Variants in NPB observed in about 807,000 individuals in gnomAD.
NPB encodes prepro-NPB.
Under a neutral mutation model 6.7 loss-of-function variants are expected in NPB, and 8 were observed. That is an observed-to-expected ratio of 1.20 (90% CI 0.71 to 2.17). NPB has a LOEUF of 2.17. NPB is among the 30% of genes most tolerant of loss of function. The pLI is 0.00. For missense variants in NPB, 199 were observed against 190.2 expected, an observed-to-expected ratio of 1.05 and a Z score of -0.27; for synonymous variants, 118 against 103.4, an observed-to-expected ratio of 1.14 and a Z score of -0.86.
chr17:81,902,872 T>G lies in NPB; in HGVS notation c.*124T>G. ...CCTACTCCGCTCACCCCGCAGTTAA[T>G]GGCAAACGAATAAATAAATGAGGCG... On this transcript the variant is annotated 3_prime_UTR_variant, in exon 2 of 2. Transcript: ENST00000333383. 1 of 820,690 alleles carries G rather than the reference T, an allele frequency of 1.2e-6. No individual in the cohort carries two copies. The highest frequency in any genetic ancestry group is 2.0e-5 in the South Asian group (1 of 48,964). 50.8% of individuals were successfully genotyped at this position (820,690 alleles called of 1,614,324 possible).
At position 81,902,322 on chromosome 17, in the gene NPB, C is replaced by T; in HGVS notation, c.45C>T (p.Cys15=). 7.5e-7 allele frequency: 1 copy of T among 1,339,276 alleles called. No individual in the cohort carries two copies. The highest frequency in any genetic ancestry group is 3.1e-5 in the East Asian group (1 of 32,232). 83.0% of individuals were successfully genotyped at this position (1,339,276 alleles called of 1,614,324 possible). Reference sequence around the variant, plus strand: ...TGGCGGCCGCCGCCCTGGCGCTGTGCCTGCTGCTGGCGCCGCCTGGCCTCG... The same window carrying T: ...TGGCGGCCGCCGCCCTGGCGCTGTGTCTGCTGCTGGCGCCGCCTGGCCTCG... ...ATLAAAALAL[C]LLLAPPGLAW... is the part of the protein sequence containing the mutation. The change falls in exon 1 of 2, where the codon TGC becomes TGT. Residue 15 remains cysteine (C), a synonymous_variant. Transcript: ENST00000333383.
chr17:81,902,763 T>C lies in NPB; in HGVS notation c.*15T>C. 1.3e-6 allele frequency: 2 copies of C among 1,594,182 alleles called. No homozygotes were observed. The highest frequency in any genetic ancestry group is 1.7e-6 in the Non-Finnish European group (2 of 1,172,518). On this transcript the variant is annotated 3_prime_UTR_variant, in exon 2 of 2. Transcript: ENST00000333383. Reference sequence around the variant, plus strand: ...TCGCCGCCTGAGCCCGGACCTCTCCTGGCACCGCTGGGGGCCCCCCGCCCC... The same window carrying C: ...TCGCCGCCTGAGCCCGGACCTCTCCCGGCACCGCTGGGGGCCCCCCGCCCC...
In NPB at chr17:81,902,364, G is replaced by A; in HGVS notation, c.87G>A (p.Ala29=). The stretch of plus-strand genomic sequence containing the variant: ...CTGGCCTCGCGTGGTACAAGCCAGC[G>A]GCGGGGCACAGCTCCTACTCGGTGG... ...APPGLAWYKP[A]AGHSSYSVGR... is the part of the protein sequence containing the mutation. The change falls in exon 1 of 2, where the codon GCG becomes GCA. Residue 29 remains alanine (A), a synonymous_variant. Coordinates refer to ENST00000333383, the MANE Select transcript of NPB (RefSeq NM_148896.5). 2.2e-6 allele frequency: 3 copies of A among 1,345,866 alleles called. No individual in the cohort carries two copies. The highest frequency in any genetic ancestry group is 2.8e-4 in the Middle Eastern group (1 of 3,636). 83.4% of individuals were successfully genotyped at this position (1,345,866 alleles called of 1,614,324 possible).
chr17:81,902,875 C>G lies in NPB; in HGVS notation c.*127C>G. On this transcript the variant is annotated 3_prime_UTR_variant, in exon 2 of 2. Coordinates refer to ENST00000333383, the MANE Select transcript of NPB (RefSeq NM_148896.5). ...ACTCCGCTCACCCCGCAGTTAATGG[C>G]AAACGAATAAATAAATGAGGCGGCC... is the stretch of plus-strand genomic sequence containing the variant. 1 of 803,638 alleles carries G rather than the reference C, an allele frequency of 1.2e-6. No individual in the cohort carries two copies. Among genetic ancestry groups the G allele is most frequent in the Non-Finnish European group, 1.8e-6 (1 of 541,572 alleles). The allele number at this position is 803,638 out of a possible 1,614,324, so 49.8% of individuals were successfully genotyped here.
Position 81,902,838 on chromosome 17 carries a change from C to T in NPB, c.*90C>T, listed in dbSNP as rs2040016452. The stretch of plus-strand genomic sequence containing the variant: ...GCCCCTCCGGCGCGGGATGGCGCCC[C>T]AGGTCTCCCCTACTCCGCTCACCCC... On this transcript the variant is annotated 3_prime_UTR_variant, in exon 2 of 2. Transcript: ENST00000333383. 8.4e-7 allele frequency: 1 copy of T among 1,193,852 alleles called. No individual in the cohort carries two copies. The highest frequency in any genetic ancestry group is 1.2e-6 in the Non-Finnish European group (1 of 866,058). The allele number at this position is 1,193,852 out of a possible 1,614,324, so 74.0% of individuals were successfully genotyped here.
rs557217506 is a variant in NPB, at chr17:81,902,617, C to G, written c.250-3C>G. On this transcript the variant is annotated splice_polypyrimidine_tract_variant and splice_region_variant and intron_variant, in intron 1 of 1. Transcript: ENST00000333383. Reference sequence around the variant, plus strand: ...CCTCAGCCTTTGCTTGCCTGCCCCCCAGGCTGTGTGCGTCCAGGACGTCGC... The same window carrying G: ...CCTCAGCCTTTGCTTGCCTGCCCCCGAGGCTGTGTGCGTCCAGGACGTCGC... 8.8e-6 allele frequency: 14 copies of G among 1,582,612 alleles called. No individual in the cohort carries two copies. The highest frequency in any genetic ancestry group is 1.1e-5 in the Non-Finnish European group (13 of 1,168,758).
At position 81,902,739 on chromosome 17, in the gene NPB, C is replaced by G; in HGVS notation, c.369C>G (p.Leu123=). Residue 123 remains leucine, a synonymous_variant, in exon 2 of 2, where the codon CTC becomes CTG. Coordinates refer to ENST00000333383, the MANE Select transcript of NPB (RefSeq NM_148896.5). The part of the protein sequence containing the change: ...VFLSLRAADC[L]AA The stretch of plus-strand genomic sequence containing the variant: ...TGTCCCTGCGCGCAGCCGACTGCCT[C>G]GCCGCCTGAGCCCGGACCTCTCCTG... 6.2e-7 allele frequency: 1 copy of G among 1,606,646 alleles called. No homozygotes were observed. Among genetic ancestry groups the G allele is most frequent in the Non-Finnish European group, 8.5e-7 (1 of 1,177,868 alleles).
rs2039992308 is a variant in NPB at position 81,902,492 on chromosome 17, C to G, written c.215C>G (p.Pro72Arg). The G allele has an allele frequency of 7.8e-6, 11 of 1,411,820 alleles. No homozygotes were observed. Among genetic ancestry groups the G allele is most frequent in the Non-Finnish European group, 1.0e-5 (11 of 1,091,142 alleles). The allele number at this position is 1,411,820 out of a possible 1,614,324, so 87.5% of individuals were successfully genotyped here. A position where few individuals can be genotyped will look rare whatever the true frequency, so the allele number is the denominator to read the frequency against. The change falls in exon 1 of 2, where the codon CCG becomes CGG. Residue 72 changes from proline to arginine, a missense_variant. Physicochemically the swap from Pro to Arg is moderately radical, Grantham distance 103. Coordinates refer to ENST00000333383, the MANE Select transcript of NPB (RefSeq NM_148896.5). ...AEPPGGAGAS[P>R]ELQLHPRLRS... ...CCCCCGGGCGGGGCCGGCGCCTCCCCGGAGCTGCAACTGCACCCCAGGCTG... is the reference window on the plus strand; with the variant it reads ...CCCCCGGGCGGGGCCGGCGCCTCCCGGGAGCTGCAACTGCACCCCAGGCTG...
rs141286560 is a variant in NPB, at chr17:81,902,667, G to A, written c.297G>A (p.Arg99=). The A allele has an allele frequency of 2.5e-6, 4 of 1,607,246 alleles. No homozygotes were observed. Among genetic ancestry groups the A allele is most frequent in the Admixed American group, 3.3e-5 (2 of 59,766 alleles). The change falls in exon 2 of 2, where the codon CGG becomes CGA. Residue 99 remains arginine (R), a synonymous_variant. Transcript: ENST00000333383. The stretch of plus-strand genomic sequence containing the variant: ...CCCCAAACCTGCAGAGGTGCGAGCG[G>A]CTCCCCGACGGCCGCGGGACCTACC... ...DVAPNLQRCE[R]LPDGRGTYQC...
Position 81,902,318 on chromosome 17 carries a change from T to C in NPB, c.41T>C (p.Leu14Pro), listed in dbSNP as rs990614756. Residue 14 changes from leucine (L) to proline (P), a missense_variant, in exon 1 of 2, where the codon CTG becomes CCG. Coordinates refer to ENST00000333383, the MANE Select transcript of NPB (RefSeq NM_148896.5). The part of the protein sequence containing the change: ...SATLAAAALA[L>P]CLLLAPPGLA... Reference sequence around the variant, plus strand: ...ACACTGGCGGCCGCCGCCCTGGCGCTGTGCCTGCTGCTGGCGCCGCCTGGC... The same window carrying C: ...ACACTGGCGGCCGCCGCCCTGGCGCCGTGCCTGCTGCTGGCGCCGCCTGGC... The C allele has an allele frequency of 4.5e-6, 6 of 1,336,948 alleles. No individual in the cohort carries two copies. In the African/African-American group the frequency reaches 6.2e-5, roughly 14 times the overall value. The allele number at this position is 1,336,948 out of a possible 1,614,324, so 82.8% of individuals were successfully genotyped here.
Position 81,902,292 on chromosome 17 carries a change from G to T in NPB, c.15G>T (p.Ala5=). Residue 5 remains alanine, a synonymous_variant, in exon 1 of 2, where the codon GCG becomes GCT. Transcript: ENST00000333383. MARS[A]TLAAAALALC... is the part of the protein sequence containing the mutation. ...CCGGCGTCCCCATGGCCCGGTCCGCGACACTGGCGGCCGCCGCCCTGGCGC... is the reference window on the plus strand; with the variant it reads ...CCGGCGTCCCCATGGCCCGGTCCGCTACACTGGCGGCCGCCGCCCTGGCGC... 7.6e-7 allele frequency: 1 copy of T among 1,320,170 alleles called. No individual in the cohort carries two copies. The highest frequency in any genetic ancestry group is 9.6e-7 in the Non-Finnish European group (1 of 1,041,954). 81.8% of individuals were successfully genotyped at this position (1,320,170 alleles called of 1,614,324 possible). A position where few individuals can be genotyped will look rare whatever the true frequency, so the allele number is the denominator to read the frequency against.
Position 81,902,816 on chromosome 17 carries a change from C to T in NPB, c.*68C>T. ...CCGTCCCACTCGGTGACCCCAGGCC[C>T]CTCCGGCGCGGGATGGCGCCCCAGG... is the stretch of plus-strand genomic sequence containing the variant. On this transcript the variant is annotated 3_prime_UTR_variant, in exon 2 of 2. Coordinates refer to ENST00000333383, the MANE Select transcript of NPB (RefSeq NM_148896.5). 1 of 1,450,396 alleles carries T rather than the reference C, an allele frequency of 6.9e-7. No homozygotes were observed. The highest frequency in any genetic ancestry group is 9.2e-7 in the Non-Finnish European group (1 of 1,087,338). The allele number at this position is 1,450,396 out of a possible 1,614,324, so 89.8% of individuals were successfully genotyped here. A position where few individuals can be genotyped will look rare whatever the true frequency, so the allele number is the denominator to read the frequency against.
In NPB at chr17:81,902,500, C is replaced by T. The variant is rs2039993020; in HGVS notation, c.223C>T (p.Gln75Ter). The T allele has an allele frequency of 7.0e-7, 1 of 1,425,014 alleles. No homozygotes were observed. The highest frequency in any genetic ancestry group is 1.5e-5 in the South Asian group (1 of 68,912). The allele number at this position is 1,425,014 out of a possible 1,614,324, so 88.3% of individuals were successfully genotyped here. Reference protein sequence around the residue: ...PGGAGASPELQLHPRLRSLAV... With the variant: ...PGGAGASPEL ...CGGGGCCGGCGCCTCCCCGGAGCTG[C>T]AACTGCACCCCAGGCTGCGGAGCCT... Residue 75 changes from glutamine (Q) to a stop codon, truncating the protein, a stop_gained, in exon 1 of 2, where the codon CAA becomes TAA. Transcript: ENST00000333383. LOFTEE classifies it low-confidence loss of function (END_TRUNC).
In NPB at chr17:81,902,460, G is replaced by A; in HGVS notation, c.183G>A (p.Gly61=). 5 of 1,388,308 alleles carry A rather than the reference G, an allele frequency of 3.6e-6. No homozygotes were observed. The highest frequency in any genetic ancestry group is 1.6e-5 in the South Asian group (1 of 60,770). 86.0% of individuals were successfully genotyped at this position (1,388,308 alleles called of 1,614,324 possible). A position where few individuals can be genotyped will look rare whatever the true frequency, so the allele number is the denominator to read the frequency against. The change falls in exon 1 of 2, where the codon GGG becomes GGA. Residue 61 remains glycine (G), a synonymous_variant. Coordinates refer to ENST00000333383, the MANE Select transcript of NPB (RefSeq NM_148896.5). ...CGCGGCGCTCCCAGCCCTACAGAGG[G>A]GCGGAACCCCCGGGCGGGGCCGGCG... is the stretch of plus-strand genomic sequence containing the variant. The part of the protein sequence containing the change: ...PYARRSQPYR[G]AEPPGGAGAS...
intron 1 of NPB, 28 bp from the exon 2 acceptor site, chr17:81,902,592 C>T: frequency 6.5e-7 from 1 of 1,538,496 alleles, no homozygotes; most frequent in Non-Finnish European, 8.7e-7. Context: ...TGCGGCGGCC[C>T]CTCAGCCTTT....
chr17:81,902,430 G>A lies in NPB; in HGVS notation c.153G>A (p.Pro51=), dbSNP rs1266263542. 2.2e-6 allele frequency: 3 copies of A among 1,352,238 alleles called. No homozygotes were observed. Among genetic ancestry groups the A allele is most frequent in the Middle Eastern group, 2.7e-4 (1 of 3,680 alleles). The allele number at this position is 1,352,238 out of a possible 1,614,324, so 83.8% of individuals were successfully genotyped here. A position where few individuals can be genotyped will look rare whatever the true frequency, so the allele number is the denominator to read the frequency against. The change falls in exon 1 of 2, where the codon CCG becomes CCA. Residue 51 remains proline (P), a synonymous_variant. Transcript: ENST00000333383. ...AGLLSGLRRS[P]YARRSQPYRG... ...TGCTGTCCGGCCTCCGCAGGTCCCCGTACGCGCGGCGCTCCCAGCCCTACA... is the reference window on the plus strand; with the variant it reads ...TGCTGTCCGGCCTCCGCAGGTCCCCATACGCGCGGCGCTCCCAGCCCTACA...
Position 81,902,876 on chromosome 17 carries a change from A to G in NPB, c.*128A>G, listed in dbSNP as rs1259077598. ...CTCCGCTCACCCCGCAGTTAATGGC[A>G]AACGAATAAATAAATGAGGCGGCCT... On this transcript the variant is annotated 3_prime_UTR_variant, in exon 2 of 2. Transcript: ENST00000333383. 1.0e-5 allele frequency: 8 copies of G among 796,804 alleles called. No individual in the cohort carries two copies. The highest frequency in any genetic ancestry group is 1.5e-5 in the Non-Finnish European group (8 of 536,130). 49.4% of individuals were successfully genotyped at this position (796,804 alleles called of 1,614,324 possible).
chr17:81,902,581 G>A, intron 1 of NPB, 39 bp from the exon 2 acceptor site: 1 of 1,519,168 alleles, frequency 6.6e-7, no homozygotes, highest in South Asian at 1.2e-5. Context: ...GTGGGTGGGG[G>A]TGCGGCGGCC....
In NPB at chr17:81,902,844, TCC is replaced by T; in HGVS notation, c.*99_*100del. On this transcript the variant is annotated 3_prime_UTR_variant, in exon 2 of 2. Coordinates refer to ENST00000333383, the MANE Select transcript of NPB (RefSeq NM_148896.5). ...CCGGCGCGGGATGGCGCCCCAGGTCTCCCCTACTCCGCTCACCCCGCAGTTAA... is the reference window on the plus strand; with the variant it reads ...CCGGCGCGGGATGGCGCCCCAGGTCTCCTACTCCGCTCACCCCGCAGTTAA... 9.1e-7 allele frequency: 1 copy of T among 1,094,460 alleles called. No individual in the cohort carries two copies. The highest frequency in any genetic ancestry group is 1.6e-5 in the South Asian group (1 of 60,986). 67.8% of individuals were successfully genotyped at this position (1,094,460 alleles called of 1,614,324 possible).
Sources: gnomAD v4.1 joint callset for allele counts on GRCh38, gnomAD v4.1.1 for gene constraint, MANE v1.5 for transcripts, NCBI Gene and HGNC (gene_info 2026-07-23, HGNC 2026-07-21) for gene names.